The following AUTS2 variants were observed in gnomAD, a reference collection of about 807,000 sequenced individuals.
The protein encoded by AUTS2 is autism susceptibility gene 2 protein.
A neutral mutation model predicts 112.4 loss-of-function variants in AUTS2; 17 were observed. The observed-to-expected ratio is 0.15, with a 90% CI of 0.10 to 0.23. AUTS2 has a LOEUF of 0.23. AUTS2 is among the 10% of genes least tolerant of loss of function. AUTS2 has a pLI of 1.00. For synonymous variants in AUTS2, 751 were observed against 702.7 expected (o/e 1.07, Z -1.09); for missense variants, 1,510 against 1,701.6 (o/e 0.89, Z 1.98).
chr7:70,547,779 C>T (rs1023742564), intron 5 of AUTS2, among the ~76,000 whole-genome samples: 1 of 152,184 alleles, frequency 6.6e-6, no homozygotes, highest in African/African-American at 2.4e-5. Context: ...TCACATACAG[C>T]TGAGTGGACA....
At chr7:69,743,568 C>T (rs1318571176) in intron 1 of AUTS2, among the ~76,000 whole-genome samples, 1 of 152,100 alleles carries the variant, frequency 6.6e-6, no homozygotes. Flanking sequence ...GCTACAGTCA[C>T]CACTGCTATC....
intron 2 of AUTS2, among the ~76,000 whole-genome samples, chr7:69,903,017 G>T (rs12698814): frequency 6.6e-6 from 1 of 151,974 alleles, no homozygotes; most frequent in Non-Finnish European, 1.5e-5. Flanking sequence ...ACAAAATAGC[G>T]CATGTCTTTC....
chr7:70,632,184 A>T (rs1805297697), intron 5 of AUTS2, among the ~76,000 whole-genome samples: 4 of 152,034 alleles, frequency 2.6e-5, no homozygotes, highest in Admixed American at 2.6e-4. Context: ...GTGATTCCAG[A>T]TGTAGACTCA....
intron 2 of AUTS2, among the ~76,000 whole-genome samples, chr7:70,054,926 A>G (rs1306544979): frequency 1.3e-5 from 2 of 151,594 alleles, no homozygotes; most frequent in Non-Finnish European, 2.9e-5. Flanking sequence ...CCTCCTCCTT[A>G]TCTCTTCCCC....
At chr7:70,126,570 G>C (rs1805980871) in intron 3 of AUTS2, among the ~76,000 whole-genome samples, 1 of 152,100 alleles carries the variant, frequency 6.6e-6, no homozygotes, top group African/African-American at 2.4e-5. Context: ...GAGTTAAGGG[G>C]AATAATTGAA....
intron 1 of AUTS2, among the ~76,000 whole-genome samples, chr7:69,835,128 G>A (rs1172486212): frequency 9.9e-5 from 15 of 151,772 alleles, no homozygotes; most frequent in Admixed American, 9.9e-4. Flanking sequence ...TTTTATGCTC[G>A]TTTTTAATCT....
chr7:69,678,649 C>G (rs1392522409), intron 1 of AUTS2, among the ~76,000 whole-genome samples: 1 of 152,154 alleles, frequency 6.6e-6, no homozygotes, highest in Non-Finnish European at 1.5e-5. Context: ...GGTTGTATTT[C>G]CAATCTCTCT....
intron 5 of AUTS2, among the ~76,000 whole-genome samples, chr7:70,537,370 T>G (rs550503085): frequency 6.6e-6 from 1 of 152,374 alleles, no homozygotes; most frequent in East Asian, 1.9e-4. Flanking sequence ...GAATTAATTC[T>G]CTTTGCTTAA....
intron 5 of AUTS2, among the ~76,000 whole-genome samples, chr7:70,659,356 G>A (rs1806944552): frequency 6.6e-6 from 1 of 152,200 alleles, no homozygotes; most frequent in Non-Finnish European, 1.5e-5. Context: ...ATGGGTCTGG[G>A]TGTGGCCTGG....
chr7:70,634,788 A>G (rs1033708783), intron 5 of AUTS2, among the ~76,000 whole-genome samples: 15 of 152,132 alleles, frequency 9.9e-5, no homozygotes, highest in Admixed American at 2.0e-4. Flanking sequence ...AGTAGGTGCA[A>G]CTTCCTCCCA....
chr7:69,897,750 C>T (rs1330192689), intron 1 of AUTS2, among the ~76,000 whole-genome samples: 3 of 152,078 alleles, frequency 2.0e-5, no homozygotes, highest in Admixed American at 6.5e-5. Flanking sequence ...AGAGCGAACT[C>T]TGTCTCAGAA....
chr7:69,722,148 G>A (rs1410764396), intron 1 of AUTS2, among the ~76,000 whole-genome samples: 3 of 147,706 alleles, frequency 2.0e-5, no homozygotes, highest in African/African-American at 7.6e-5. Flanking sequence ...TCACAATGAA[G>A]GGCAAAAAAA....
intron 5 of AUTS2, among the ~76,000 whole-genome samples, chr7:70,543,317 G>A (rs1428788389): frequency 6.6e-6 from 1 of 151,960 alleles, no homozygotes; most frequent in Non-Finnish European, 1.5e-5. Context: ...GCCTGACCAA[G>A]ATGGTGAAAC....
At position 69,645,324 on chromosome 7, in the gene AUTS2, C is replaced by T. The variant is rs189148230; in HGVS notation, c.309+45362C>T. Among the ~76,000 whole-genome samples the T allele has an allele frequency of 5.9e-5, 9 of 152,106 alleles. No homozygotes were observed. In the East Asian group the frequency reaches 1.7e-3, roughly 29 times the overall value. ...AAGTGGGTCATTTTTTGACCTGGTG[C>T]TTAATTGTACTTAGAAGCAAATGCA... On this transcript the variant is annotated intron_variant, in intron 1 of 18. Transcript: ENST00000342771.
chr7:70,692,956 C>T (rs895732042), intron 5 of AUTS2, among the ~76,000 whole-genome samples: 13 of 152,304 alleles, frequency 8.5e-5, no homozygotes, highest in African/African-American at 2.6e-4. Flanking sequence ...CTCCAGGTAA[C>T]GGTGGCACTG....
chr7:69,650,527 G>A (rs1448016894), intron 1 of AUTS2, among the ~76,000 whole-genome samples: 1 of 152,120 alleles, frequency 6.6e-6, no homozygotes, highest in African/African-American at 2.4e-5. Context: ...CATCATTTTA[G>A]CCCCGTGGGT....
At chr7:70,695,650 C>T (rs1045182071) in intron 5 of AUTS2, among the ~76,000 whole-genome samples, 1 of 152,240 alleles carries the variant, frequency 6.6e-6, no homozygotes, top group African/African-American at 2.4e-5. Flanking sequence ...TGGGTCCCAC[C>T]CCGTCTGCAC....
intron 4 of AUTS2, among the ~76,000 whole-genome samples, chr7:70,250,511 G>A (rs539702708): frequency 1.8e-4 from 28 of 152,238 alleles, no homozygotes; most frequent in African/African-American, 6.0e-4. Context: ...TATATACCAC[G>A]CTGTTCTCAT....
chr7:70,539,437 G>A (rs2129504167), intron 5 of AUTS2, among the ~76,000 whole-genome samples: 1 of 152,240 alleles, frequency 6.6e-6, no homozygotes, highest in East Asian at 1.9e-4. Flanking sequence ...TCAGGTTGTT[G>A]GATGGTTCTT....
Sources: allele counts gnomAD v4.1 joint callset (sites outside exome capture counted in the v4.1 genomes callset), GRCh38; gene constraint gnomAD v4.1.1; transcripts MANE v1.5; gene names NCBI Gene and HGNC (gene_info 2026-07-23, HGNC 2026-07-21).